Variants in GRM3 observed in about 807,000 individuals in gnomAD.
The protein encoded by GRM3 is metabotropic glutamate receptor 3.
In GRM3, 26 loss-of-function variants were observed where a neutral mutation model predicts 70.5. The ratio of observed to expected loss-of-function variants is 0.37; its 90% CI spans 0.27 to 0.51. GRM3 has a LOEUF of 0.51. Ranked by LOEUF, GRM3 falls within the 20% of genes least tolerant of loss-of-function variation. The pLI, the probability that GRM3 is intolerant of heterozygous loss-of-function variation, is 0.93. For missense variants in GRM3, 859 were observed against 1,123.8 expected (o/e 0.76, Z 3.37); for synonymous variants, 443 against 434.9 (o/e 1.02, Z -0.23).
chr7:86,840,623 T>C (rs1798541332), intron 4 of GRM3, among the ~76,000 whole-genome samples: 1 of 152,090 alleles, frequency 6.6e-6, no homozygotes, highest in Admixed American at 6.5e-5. Flanking sequence ...ATTATAATAT[T>C]CCAAACTGTT....
At chr7:86,694,340 G>A (rs1480380904) in intron 1 of GRM3, among the ~76,000 whole-genome samples, 1 of 151,614 alleles carries the variant, frequency 6.6e-6, no homozygotes, top group East Asian at 1.9e-4. Context: ...GTGAAACCCT[G>A]TCTCTACTAA....
At chr7:86,792,024 A>T (rs1049926390) in intron 3 of GRM3, among the ~76,000 whole-genome samples, 1 of 152,208 alleles carries the variant, frequency 6.6e-6, no homozygotes, top group Non-Finnish European at 1.5e-5. Context: ...TTTGAGTAAA[A>T]TTTCAGAATT....
At chr7:86,758,695 T>C (rs2888551) in intron 1 of GRM3, among the ~76,000 whole-genome samples, 11,242 of 152,206 alleles carry the variant, frequency 0.074, 777 homozygotes, top group African/African-American at 0.18. Flanking sequence ...TAGGACAATC[T>C]GTTTGCCTAC....
chr7:86,666,043 A>G (rs1371278239), intron 1 of GRM3, among the ~76,000 whole-genome samples: 1 of 152,058 alleles, frequency 6.6e-6, no homozygotes, highest in Non-Finnish European at 1.5e-5. Flanking sequence ...TCTGAGAGTC[A>G]TGAAGTTAGA....
chr7:86,769,076 G>C (rs180923408), intron 2 of GRM3, among the ~76,000 whole-genome samples: 1 of 152,140 alleles, frequency 6.6e-6, no homozygotes, highest in East Asian at 1.9e-4. Context: ...TTACACTAAC[G>C]AGGGAAACAT....
chr7:86,852,609 T>G (rs528742831), intron 5 of GRM3, among the ~76,000 whole-genome samples: 5 of 152,060 alleles, frequency 3.3e-5, no homozygotes, highest in Admixed American at 6.6e-5. Context: ...AACTTTTTTT[T>G]AAAAAAGGTC....
chr7:86,786,691 G>C lies in GRM3; in HGVS notation c.899G>C (p.Ser300Thr), dbSNP rs1474460395. The stretch of plus-strand genomic sequence containing the variant: ...AATGCCTCCTTCACCTGGGTGGCCA[G>C]CGACGGCTGGGGCGCGCAGGAGAGC... Reference protein sequence around the residue: ...RANASFTWVASDGWGAQESII... With the variant: ...RANASFTWVATDGWGAQESII... The change falls in exon 3 of 6, where the codon AGC becomes ACC. Residue 300 changes from serine to threonine, a missense_variant. Transcript: ENST00000361669. This position sits in a 1 kb window ranked among gnomAD's most constrained non-coding sequence, Gnocchi z 6.0. The C allele has an allele frequency of 6.2e-7, 1 of 1,612,258 alleles. No individual in the cohort carries two copies. The highest frequency in any genetic ancestry group is 1.1e-5 in the South Asian group (1 of 91,072).
In GRM3 at chr7:86,644,666, C is replaced by T; in HGVS notation, c.-347C>T. 3.4e-6 allele frequency: 2 copies of T among 581,242 alleles called. No homozygotes were observed. The highest frequency in any genetic ancestry group is 5.9e-6 in the Non-Finnish European group (2 of 341,276). The allele number at this position is 581,242 out of a possible 1,614,324, so 36.0% of individuals were successfully genotyped here. ...GCCGGGAGGGGGCAGGGGCAGGGGG[C>T]ACTGTGACAGGAAGCTGCGCGCACA... On this transcript the variant is annotated 5_prime_UTR_variant, in exon 1 of 6. Transcript: ENST00000361669.
At chr7:86,778,179 AT>A (rs956372244) in intron 2 of GRM3, among the ~76,000 whole-genome samples, 1 of 152,164 alleles carries the variant, frequency 6.6e-6, no homozygotes, top group African/African-American at 2.4e-5. Flanking sequence ...GCAATGGTTT[AT>A]TTTTTAAATG....
intron 1 of GRM3, among the ~76,000 whole-genome samples, chr7:86,708,528 A>T (rs1419830714): frequency 6.6e-6 from 1 of 152,158 alleles, no homozygotes; most frequent in Non-Finnish European, 1.5e-5. Flanking sequence ...AGCGTTGACA[A>T]CAACTACTGA....
intron 1 of GRM3, among the ~76,000 whole-genome samples, chr7:86,699,434 C>T (rs1050691161): frequency 1.3e-5 from 2 of 151,992 alleles, no homozygotes; most frequent in African/African-American, 4.8e-5. Flanking sequence ...ACATCACCTT[C>T]TTTTCTAACT....
At chr7:86,799,581 C>T (rs1397182902) in intron 3 of GRM3, among the ~76,000 whole-genome samples, 1 of 152,024 alleles carries the variant, frequency 6.6e-6, no homozygotes, top group Non-Finnish European at 1.5e-5. Flanking sequence ...GGCTGGAGTG[C>T]AGTGGTGCGA....
chr7:86,764,549 T>C (rs1404349125), intron 1 of GRM3, among the ~76,000 whole-genome samples: 1 of 152,094 alleles, frequency 6.6e-6, no homozygotes, highest in African/African-American at 2.4e-5. Flanking sequence ...TGTGTTTTCT[T>C]GTGTTTTAAA....
intron 2 of GRM3, among the ~76,000 whole-genome samples, chr7:86,776,543 A>G (rs1796896956): frequency 6.6e-6 from 1 of 152,020 alleles, no homozygotes; most frequent in African/African-American, 2.4e-5. Flanking sequence ...AGGAAATATT[A>G]GGCTATAGCC....
intron 3 of GRM3, among the ~76,000 whole-genome samples, chr7:86,827,849 A>G (rs1203719620): frequency 6.6e-6 from 1 of 152,146 alleles, no homozygotes; most frequent in Non-Finnish European, 1.5e-5. Flanking sequence ...GCGGTGGCTC[A>G]CACCTGTAAC....
At chr7:86,767,097 A>G (rs1459687225) in intron 2 of GRM3, among the ~76,000 whole-genome samples, 2 of 152,050 alleles carry the variant, frequency 1.3e-5, no homozygotes, top group Non-Finnish European at 2.9e-5. Flanking sequence ...CTGTGTTCCC[A>G]GATACTCGGG....
intron 3 of GRM3, among the ~76,000 whole-genome samples, chr7:86,820,562 G>A (rs932592372): frequency 6.6e-6 from 1 of 151,924 alleles, no homozygotes; most frequent in Non-Finnish European, 1.5e-5. Context: ...AAAGGTACTG[G>A]GTCCCTTTAG....
At chr7:86,658,875 T>C (rs567717578) in intron 1 of GRM3, among the ~76,000 whole-genome samples, 1 of 151,206 alleles carries the variant, frequency 6.6e-6, no homozygotes, top group Non-Finnish European at 1.5e-5. Flanking sequence ...AGTAATTAGG[T>C]CTTATTTATA....
chr7:86,701,337 T>G (rs911235219), intron 1 of GRM3, among the ~76,000 whole-genome samples: 2 of 151,800 alleles, frequency 1.3e-5, no homozygotes, highest in Admixed American at 1.3e-4. Context: ...AATTTAGGGG[T>G]CTCAACATAG....
Sources: gnomAD v4.1 joint callset for allele counts (sites outside exome capture counted in the v4.1 genomes callset) on GRCh38, gnomAD v4.1.1 for gene constraint, Gnocchi (gnomAD v3.1) non-coding constraint, MANE v1.5 for transcripts, NCBI Gene and HGNC (gene_info 2026-07-23, HGNC 2026-07-21) for gene names.